TMEM278: variants seen among roughly 807,000 people sequenced by gnomAD.
The protein encoded by TMEM278 is transmembrane protein 88B.
the TMEM278 span, chr1:1,426,495 A>G: frequency 1.6e-5 from 14 of 901,268 alleles, no homozygotes; most frequent in Admixed American, 3.7e-4. Context: ...GTCCTCAGAG[A>G]CACGTGTGCC....
the TMEM278 span, among the ~76,000 whole-genome samples, chr1:1,428,367 G>C: frequency 6.6e-6 from 1 of 152,066 alleles, no homozygotes; most frequent in Non-Finnish European, 1.5e-5. Context: ...AGAAGCCCAG[G>C]GGTGGCGGCA....
the TMEM278 span, among the ~76,000 whole-genome samples, chr1:1,428,018 AGAGGG>A: frequency 5.5e-5 from 1 of 18,120 alleles, no homozygotes; most frequent in African/African-American, 2.8e-4. Flanking sequence ...GGAGGGGGAG[AGAGGG>A]GAGGGGAGGG....
At chr1:1,427,869 G>T in the TMEM278 span, 4 of 1,251,506 alleles carry the variant, frequency 3.2e-6, no homozygotes, top group South Asian at 1.9e-5. Flanking sequence ...AAAACTGAGG[G>T]TCGCCCCCGC....
the TMEM278 span, chr1:1,427,714 C>A: frequency 7.6e-7 from 1 of 1,320,030 alleles, no homozygotes; most frequent in South Asian, 1.9e-5. Context: ...CTGCCTCCGC[C>A]CGCTGGGACC....
chr1:1,426,255 G>A, the TMEM278 span: 2 of 1,490,180 alleles, frequency 1.3e-6, no homozygotes, highest in Non-Finnish European at 9.0e-7. Context: ...GGGTGGTCGG[G>A]GCCCCCGCTG....
the TMEM278 span, among the ~76,000 whole-genome samples, chr1:1,427,995 A>AGGGGG: frequency 3.0e-4 from 6 of 20,316 alleles, no homozygotes; most frequent in African/African-American, 3.7e-4. Flanking sequence ...AGGGGAGGGG[A>AGGGGG]AGAGAGGGGA....
the TMEM278 span, chr1:1,426,203 C>CG: frequency 7.1e-7 from 1 of 1,415,598 alleles, no homozygotes; most frequent in African/African-American, 1.5e-5. Context: ...CATGCTGCCC[C>CG]GGGGACCTCC....
the TMEM278 span, chr1:1,427,721 G>A: frequency 2.3e-6 from 3 of 1,299,072 alleles, no homozygotes; most frequent in Admixed American, 1.2e-4. Context: ...CGCCCGCTGG[G>A]ACCCCCGGAC....
the TMEM278 span, chr1:1,427,665 G>A: frequency 7.5e-7 from 1 of 1,337,016 alleles, no homozygotes; most frequent in Non-Finnish European, 9.6e-7. Flanking sequence ...GCTCGCCTCG[G>A]CCGTCCGCGC....
the TMEM278 span, among the ~76,000 whole-genome samples, chr1:1,429,623 C>G: frequency 6.6e-6 from 1 of 152,134 alleles, no homozygotes; most frequent in Non-Finnish European, 1.5e-5. Context: ...CAGCTGTTAT[C>G]GGAGACAATT....
chr1:1,428,995 G>A, the TMEM278 span, among the ~76,000 whole-genome samples: 2 of 108,058 alleles, frequency 1.9e-5, no homozygotes, highest in South Asian at 7.7e-4. Flanking sequence ...GCGAGGCTCC[G>A]TCTCAAAAAA....
chr1:1,427,331 C>T, the TMEM278 span, among the ~76,000 whole-genome samples: 1 of 137,792 alleles, frequency 7.3e-6, no homozygotes, highest in Admixed American at 7.2e-5. Context: ...CTCCTCCGCG[C>T]CTCCCCTTCC....
chr1:1,426,070 G>T, the TMEM278 span: 1 of 1,312,654 alleles, frequency 7.6e-7, no homozygotes, highest in East Asian at 3.1e-5. Context: ...GGGCAGCCCT[G>T]GAGAGCACCA....
At chr1:1,426,088 T>A in the TMEM278 span, 1 of 1,353,520 alleles carries the variant, frequency 7.4e-7, no homozygotes, top group Non-Finnish European at 9.6e-7. Context: ...CCACTCTGCA[T>A]TGAGCACCGC....
the TMEM278 span, chr1:1,426,014 G>A: frequency 7.9e-6 from 10 of 1,259,564 alleles, no homozygotes; most frequent in Non-Finnish European, 1.0e-5. Context: ...GTCTGGCTGG[G>A]GGATGTGGAC....
the TMEM278 span, chr1:1,426,163 G>A: frequency 1.1e-4 from 151 of 1,415,340 alleles, no homozygotes; most frequent in Admixed American, 9.2e-5. Context: ...AGGAGGAGGA[G>A]GGGGGAGGTG....
the TMEM278 span, among the ~76,000 whole-genome samples, chr1:1,426,887 C>T: frequency 3.3e-5 from 5 of 152,066 alleles, no homozygotes; most frequent in South Asian, 6.2e-4. Context: ...AGGGCAGAAG[C>T]GGGCAGAACG....
the TMEM278 span, chr1:1,427,749 C>A: frequency 7.6e-7 from 1 of 1,307,718 alleles, no homozygotes; most frequent in Non-Finnish European, 9.7e-7. Flanking sequence ...CCCCCCGGGG[C>A]GCCCCGACGA....
the TMEM278 span, among the ~76,000 whole-genome samples, chr1:1,430,031 A>T: frequency 6.6e-6 from 1 of 151,956 alleles, no homozygotes; most frequent in Non-Finnish European, 1.5e-5. Context: ...CTAATTTTAA[A>T]TTTTTTTGTA....
Sources: allele counts gnomAD v4.1 joint callset (sites outside exome capture counted in the v4.1 genomes callset), GRCh38; gene constraint gnomAD v4.1.1; transcripts MANE v1.5; gene names NCBI Gene and HGNC (gene_info 2026-07-23, HGNC 2026-07-21).